Variants in WDR81 observed in about 807,000 individuals in gnomAD.
WDR81 encodes WD repeat-containing protein 81.
A neutral mutation model predicts 140.8 loss-of-function variants in WDR81; 92 were observed. The ratio of observed to expected loss-of-function variants is 0.65; its 90% CI spans 0.55 to 0.78. The LOEUF is 0.78. Ranked by LOEUF, WDR81 falls within the 30% of genes least tolerant of loss-of-function variation. The probability of loss-of-function intolerance (pLI) is 0.00; values close to 1 mark genes in which losing one functional copy is unlikely to be tolerated. For missense variants in WDR81, 2,502 were observed against 2,636.4 expected (o/e 0.95, Z 1.12); for synonymous variants, 1,183 against 1,156.4 (o/e 1.02, Z -0.47).
Position 1,726,744 on chromosome 17 carries a change from T to C in WDR81, c.1785T>C (p.Ala595=). The C allele has an allele frequency of 6.5e-7, 1 of 1,547,946 alleles. No homozygotes were observed. Among genetic ancestry groups the C allele is most frequent in the Non-Finnish European group, 8.7e-7 (1 of 1,146,488 alleles). ...CACACCCCCAGCGCCTGGCTGGGGCTCCTGCCCTTGCCCCCGAGCCTCCCC... is the reference window on the plus strand; with the variant it reads ...CACACCCCCAGCGCCTGGCTGGGGCCCCTGCCCTTGCCCCCGAGCCTCCCC... The part of the protein sequence containing the change: ...DQPHPQRLAG[A]PALAPEPPLI... Residue 595 remains alanine (A), a synonymous_variant, in exon 1 of 10, where the codon GCT becomes GCC. Transcript: ENST00000409644.
In WDR81 at chr17:1,735,545, C is replaced by G. The variant is rs763727636; in HGVS notation, c.5180-27C>G. 1.3e-6 allele frequency: 2 copies of G among 1,569,336 alleles called. No individual in the cohort carries two copies. Among genetic ancestry groups the G allele is most frequent in the Non-Finnish European group, 1.7e-6 (2 of 1,155,520 alleles). ...GCTCTTCCGTCAGCTGCTGGGACCC[C>G]AGATCCACTGTGACTTTCCTTCCCA... is the stretch of plus-strand genomic sequence containing the variant. On this transcript the variant is annotated intron_variant, in intron 7 of 9. Coordinates refer to ENST00000409644, the MANE Select transcript of WDR81 (RefSeq NM_001163809.2). This position sits in a 1 kb window ranked among gnomAD's most constrained non-coding sequence, Gnocchi z 4.2.
At chr17:1,720,413 T>C (rs1914801787), upstream of WDR81, among the ~76,000 whole-genome samples, 1 of 152,216 alleles carries the variant, frequency 6.6e-6, no homozygotes, top group African/African-American at 2.4e-5. Context: ...GGTTGCTGCA[T>C]CAGAATTACC....
Position 1,725,073 on chromosome 17 carries a change from G to A in WDR81, c.114G>A (p.Leu38=). Residue 38 remains leucine, a synonymous_variant, in exon 1 of 10, where the codon CTG becomes CTA. Coordinates refer to ENST00000409644, the MANE Select transcript of WDR81 (RefSeq NM_001163809.2). ...TGCTCCGGAGCGTGGAGAGGGACCT[G>A]AGCATCGATCCCAGGCAGCTGGCTC... The part of the protein sequence containing the change: ...QELLRSVERD[L]SIDPRQLAPA... The A allele has an allele frequency of 2.7e-6, 4 of 1,491,622 alleles. No homozygotes were observed. Among genetic ancestry groups the A allele is most frequent in the African/African-American group, 1.4e-5 (1 of 71,966 alleles). The allele number at this position is 1,491,622 out of a possible 1,614,324, so 92.4% of individuals were successfully genotyped here. A position where few individuals can be genotyped will look rare whatever the true frequency, so the allele number is the denominator to read the frequency against.
At position 1,725,287 on chromosome 17, in the gene WDR81, C is replaced by A; in HGVS notation, c.328C>A (p.Leu110Met). 1 of 1,547,042 alleles carries A rather than the reference C, an allele frequency of 6.5e-7. No individual in the cohort carries two copies. Among genetic ancestry groups the A allele is most frequent in the Non-Finnish European group, 8.7e-7 (1 of 1,146,948 alleles). The change falls in exon 1 of 10, where the codon CTG becomes ATG. Residue 110 changes from leucine (L) to methionine (M), a missense_variant. Physicochemically the swap from Leu to Met is conservative, Grantham distance 15 (BLOSUM62 2). Coordinates refer to ENST00000409644, the MANE Select transcript of WDR81 (RefSeq NM_001163809.2). ...AGWTRVEVHGLRKRRLSYPLG... is the reference protein window; with the variant it reads ...AGWTRVEVHGMRKRRLSYPLG... ...CTGGACGCGCGTGGAGGTGCATGGG[C>A]TGCGGAAGCGGAGACTGTCCTACCC...
rs1395326139 is a variant in WDR81 at position 1,731,089 on chromosome 17, G to A, written c.3988G>A (p.Gly1330Ser). ...CTAGGTGGCCCCAGGGAGTGCCTCA[G>A]GCCCCAGCCGACTGAACAGCCGTAA... ...SYLVAPGSAS[G>S]PSRLNSRKEA... The change falls in exon 4 of 10, where the codon GGC (glycine) becomes AGC (serine). Residue 1330 changes from glycine (G) to serine (S), a missense_variant. Coordinates refer to ENST00000409644, the MANE Select transcript of WDR81 (RefSeq NM_001163809.2). 5.0e-6 allele frequency: 8 copies of A among 1,612,560 alleles called. No homozygotes were observed. Among genetic ancestry groups the A allele is most frequent in the African/African-American group, 1.3e-5 (1 of 74,930 alleles).
chr17:1,731,786 C>G (rs1336627368), intron 4 of WDR81, among the ~76,000 whole-genome samples: 4 of 150,716 alleles, frequency 2.7e-5, no homozygotes, highest in Non-Finnish European at 5.9e-5. Flanking sequence ...GCCTGCAATC[C>G]CAGGTTCTCG....
chr17:1,737,254 G>A (rs893415499), intron 9 of WDR81, 111 bp from the exon 10 acceptor site: 5 of 1,105,578 alleles, frequency 4.5e-6, no homozygotes, highest in East Asian at 2.6e-5. Flanking sequence ...ACCCACCCAG[G>A]ACGGCCTGTC....
At position 1,732,826 on chromosome 17, in the gene WDR81, T is replaced by C; in HGVS notation, c.4484T>C (p.Leu1495Pro). 1 of 1,605,598 alleles carries C rather than the reference T, an allele frequency of 6.2e-7. No individual in the cohort carries two copies. The highest frequency in any genetic ancestry group is 8.5e-7 in the Non-Finnish European group (1 of 1,175,470). ...AYTIYVPFSC[L>P]LGDIIRKIIP... ...ACAATCTACGTGCCCTTCTCCTGCC[T>C]GTTGGGTACTGCCCCATCACGTTCC... The change falls in exon 6 of 10, where the codon CTG (leucine) becomes CCG (proline). Residue 1495 changes from leucine to proline, a missense_variant. Leu to Pro is a moderately conservative substitution (Grantham distance 98). Transcript: ENST00000409644.
At position 1,725,268 on chromosome 17, in the gene WDR81, G is replaced by A. The variant is rs541934357; in HGVS notation, c.309G>A (p.Thr103=). The part of the protein sequence containing the change: ...RSVQRLPAGW[T]RVEVHGLRKR... Reference sequence around the variant, plus strand: ...TGCAAAGGCTGCCTGCCGGCTGGACGCGCGTGGAGGTGCATGGGCTGCGGA... The same window carrying A: ...TGCAAAGGCTGCCTGCCGGCTGGACACGCGTGGAGGTGCATGGGCTGCGGA... Residue 103 remains threonine (T), a synonymous_variant, in exon 1 of 10, where the codon ACG becomes ACA. Transcript: ENST00000409644. The A allele has an allele frequency of 4.5e-6, 7 of 1,545,088 alleles. No individual in the cohort carries two copies. In the South Asian group the frequency reaches 7.1e-5, roughly 16 times the overall value.
Position 1,724,707 on chromosome 17 carries a change from T to G in WDR81, c.-253T>G. The G allele has an allele frequency of 9.2e-7, 1 of 1,086,494 alleles. No individual in the cohort carries two copies. Among genetic ancestry groups the G allele is most frequent in the South Asian group, 4.5e-5 (1 of 22,228 alleles). The allele number at this position is 1,086,494 out of a possible 1,614,324, so 67.3% of individuals were successfully genotyped here. On this transcript the variant is annotated 5_prime_UTR_variant, in exon 1 of 10. Coordinates refer to ENST00000409644, the MANE Select transcript of WDR81 (RefSeq NM_001163809.2). ...GGGCGATCACGTGACCCGCGTCAGC[T>G]GACCCGTCACGGTGGAGCCCGGTGC...
chr17:1,737,681 CAT>C lies in WDR81; in HGVS notation c.5824_5825del (p.Ter1942AspfsTer2). The C allele has an allele frequency of 6.2e-7, 1 of 1,606,456 alleles. No homozygotes were observed. Among genetic ancestry groups the C allele is most frequent in the Non-Finnish European group, 8.5e-7 (1 of 1,177,160 alleles). ...GACAACGGGGTTATCCGCCTCCTGG[CAT>C]AGACTGAGGCAGGAGCTGGCCGGGC... On this transcript the variant is annotated frameshift_variant and stop_lost, in exon 10 of 10. Transcript: ENST00000409644. LOFTEE classifies it high-confidence loss of function.
chr17:1,727,361 A>T lies in WDR81; in HGVS notation c.2402A>T (p.Gln801Leu). ...GATGCACCTTTGTGGGTACGCTTCC[A>T]GGCTGTCCGAGGGCTCTGCACGCGC... ...QPDAPLWVRFQAVRGLCTRHP... is the reference protein window; with the variant it reads ...QPDAPLWVRFLAVRGLCTRHP... The change falls in exon 1 of 10, where the codon CAG (glutamine) becomes CTG (leucine). Residue 801 changes from glutamine to leucine, a missense_variant. Around this residue, in one of 3 missense-constraint regions of WDR81, gnomAD observed 1,737 missense variants for 1,843.0 expected, o/e 0.94. Coordinates refer to ENST00000409644, the MANE Select transcript of WDR81 (RefSeq NM_001163809.2). 1 of 1,550,080 alleles carries T rather than the reference A, an allele frequency of 6.5e-7. No homozygotes were observed. Among genetic ancestry groups the T allele is most frequent in the Middle Eastern group, 1.7e-4 (1 of 5,992 alleles).
intron 1 of WDR81, among the ~76,000 whole-genome samples, chr17:1,717,460 G>C (rs1914637242): frequency 6.6e-6 from 1 of 152,208 alleles, no homozygotes; most frequent in African/African-American, 2.4e-5. Flanking sequence ...TGGAGGGTGA[G>C]ATCCTTCCTT....
rs990457535 is a variant in WDR81 at position 1,726,298 on chromosome 17, G to A, written c.1339G>A (p.Asp447Asn). 1.9e-6 allele frequency: 3 copies of A among 1,543,038 alleles called. No individual in the cohort carries two copies. Among genetic ancestry groups the A allele is most frequent in the Non-Finnish European group, 2.6e-6 (3 of 1,142,124 alleles). ...VPHHISDVLS[D>N]ITYYVYKARR... ...CCACCACATCTCAGACGTGCTCTCC[G>A]ACATCACGTACTATGTGTACAAGGC... Residue 447 changes from aspartate to asparagine, a missense_variant, in exon 1 of 10, where the codon GAC (aspartate) becomes AAC (asparagine). Around this residue, in one of 3 missense-constraint regions of WDR81, gnomAD observed 218 missense variants for 279.6 expected, o/e 0.78. Transcript: ENST00000409644.
At chr17:1,721,381 T>A (rs147211943), upstream of WDR81, among the ~76,000 whole-genome samples, 814 of 151,516 alleles carry the variant, frequency 5.4e-3, 6 homozygotes, top group African/African-American at 0.014. Flanking sequence ...TTAGCTGGGC[T>A]TGGTGACGCT....
At chr17:1,733,107 C>T (rs1026493262) in intron 6 of WDR81, 25 of 482,272 alleles carry the variant, frequency 5.2e-5, no homozygotes, top group African/African-American at 3.6e-4. Context: ...CAGGAGCTGG[C>T]GAGAGGGAAG....
chr17:1,731,408 A>G (rs879756447), intron 4 of WDR81, 150 bp downstream of exon 4: 2 of 971,404 alleles, frequency 2.1e-6, no homozygotes, highest in Non-Finnish European at 3.0e-6. Context: ...TGAGCAAACC[A>G]CACCCTTTTC....
rs890604133 is a variant in WDR81 at position 1,716,697 on chromosome 17, C to T, written c.-124+64C>T. ...CGGGGAAGTCCTTAAAGGGCGACAG[C>T]CCCTCCTTGTTGGAGTCGTGAGTGC... On this transcript the variant is annotated intron_variant, in intron 1 of 10. Transcript: ENST00000309182. The T allele has an allele frequency of 1.2e-5, 18 of 1,524,220 alleles. No homozygotes were observed. In the African/African-American group the frequency reaches 2.2e-4, roughly 19 times the overall value. 94.4% of individuals were successfully genotyped at this position (1,524,220 alleles called of 1,614,324 possible).
Position 1,737,708 on chromosome 17 carries a change from C to A in WDR81, c.*23C>A, listed in dbSNP as rs773179350. ...TAGACTGAGGCAGGAGCTGGCCGGG[C>A]AAGGGTGGGAAGACATCTGCGGGCG... On this transcript the variant is annotated 3_prime_UTR_variant, in exon 10 of 10. Transcript: ENST00000409644. The A allele has an allele frequency of 4.4e-6, 7 of 1,586,718 alleles. No homozygotes were observed. The South Asian group carries it at 8.0e-5, about 18-fold the overall frequency.
Sources: allele counts gnomAD v4.1 joint callset (sites outside exome capture counted in the v4.1 genomes callset), GRCh38; gene constraint gnomAD v4.1.1; regional missense constraint gnomAD v4.1.1; non-coding constraint Gnocchi (gnomAD v3.1); transcripts MANE v1.5; gene names NCBI Gene and HGNC (gene_info 2026-07-23, HGNC 2026-07-21).